SUGCT: variants seen among roughly 807,000 people sequenced by gnomAD.
SUGCT encodes the protein succinyl-CoA:glutarate CoA-transferase.
SUGCT carries 41 observed loss-of-function variants against 55.0 expected under a neutral mutation model. That is an observed-to-expected ratio of 0.74 (90% CI 0.58 to 0.97). SUGCT has a LOEUF of 0.97. SUGCT is among the 50% of genes least tolerant of loss of function. SUGCT has a pLI of 0.00. For synonymous variants in SUGCT, 187 were observed against 200.4 expected (o/e 0.93, Z 0.56); for missense variants, 568 against 547.8 (o/e 1.04, Z -0.37).
At chr7:40,889,251 G>A in the SUGCT span, among the ~76,000 whole-genome samples, 13 of 152,114 alleles carry the variant, frequency 8.5e-5, no homozygotes, top group East Asian at 1.9e-4. Context: ...TGGAAAGTAC[G>A]GGGGATCAGT....
chr7:40,668,284 G>A (rs894723709), intron 12 of SUGCT, among the ~76,000 whole-genome samples: 2 of 152,094 alleles, frequency 1.3e-5, no homozygotes, highest in African/African-American at 4.8e-5. Context: ...CAACTCCGAG[G>A]TATTTAATGG....
At chr7:41,017,287 T>C in the SUGCT span, among the ~76,000 whole-genome samples, 1 of 152,168 alleles carries the variant, frequency 6.6e-6, no homozygotes, top group African/African-American at 2.4e-5. Flanking sequence ...CACGTCTCCA[T>C]ATGAGCATGA....
chr7:40,970,756 T>A, the SUGCT span, among the ~76,000 whole-genome samples: 1 of 152,150 alleles, frequency 6.6e-6, no homozygotes, highest in East Asian at 1.9e-4. Context: ...CATGAGCATT[T>A]GCCTGGCTGG....
chr7:40,670,056 A>C (rs1189927105), intron 12 of SUGCT, among the ~76,000 whole-genome samples: 1 of 151,604 alleles, frequency 6.6e-6, no homozygotes, highest in East Asian at 1.9e-4. Context: ...AAGAAAAATA[A>C]CACCTTTCCT....
intron 12 of SUGCT, among the ~76,000 whole-genome samples, chr7:40,614,532 G>T (rs1469258151): frequency 6.6e-6 from 1 of 152,118 alleles, no homozygotes; most frequent in African/African-American, 2.4e-5. Flanking sequence ...AGTAGTCATT[G>T]CTATAGATGG....
At chr7:40,722,770 T>C (rs1786411643) in intron 12 of SUGCT, among the ~76,000 whole-genome samples, 1 of 152,248 alleles carries the variant, frequency 6.6e-6, no homozygotes, top group Non-Finnish European at 1.5e-5. Flanking sequence ...ACTTCTGTTG[T>C]CTTATCATAT....
intron 9 of SUGCT, among the ~76,000 whole-genome samples, chr7:40,340,755 C>A (rs552133247): frequency 2.6e-5 from 4 of 152,222 alleles, no homozygotes; most frequent in Non-Finnish European, 5.9e-5. Context: ...GAAATAAAAG[C>A]GTTTTTATAC....
At chr7:40,990,979 T>C in the SUGCT span, among the ~76,000 whole-genome samples, 1 of 152,234 alleles carries the variant, frequency 6.6e-6, no homozygotes, top group East Asian at 1.9e-4. Flanking sequence ...ATATCAGCAA[T>C]AAGTCATTTT....
chr7:40,854,474 T>TTCTTTCTC (rs1377565978), intron 13 of SUGCT, among the ~76,000 whole-genome samples: 38 of 135,310 alleles, frequency 2.8e-4, no homozygotes, highest in Non-Finnish European at 5.8e-4. Flanking sequence ...CTTTCTTTCT[T>TTCTTTCTC]TCTCTTTCTC....
At chr7:40,689,834 A>G (rs1429970317) in intron 12 of SUGCT, among the ~76,000 whole-genome samples, 1 of 152,126 alleles carries the variant, frequency 6.6e-6, no homozygotes, top group Non-Finnish European at 1.5e-5. Flanking sequence ...TTAGCTGTGC[A>G]TATTATTTTA....
the SUGCT span, among the ~76,000 whole-genome samples, chr7:40,943,966 G>A: frequency 3.4e-5 from 5 of 149,230 alleles, no homozygotes; most frequent in South Asian, 2.2e-4. Context: ...TTTAATGATT[G>A]CCATTCTAAC....
At chr7:40,452,805 G>A (rs953524996) in intron 10 of SUGCT, among the ~76,000 whole-genome samples, 8 of 152,154 alleles carry the variant, frequency 5.3e-5, no homozygotes, top group African/African-American at 1.9e-4. Context: ...GTTCTGAGGA[G>A]GAGAGAGTAA....
chr7:40,574,658 G>A (rs569187438), intron 12 of SUGCT, among the ~76,000 whole-genome samples: 23 of 152,238 alleles, frequency 1.5e-4, no homozygotes, highest in Middle Eastern at 3.4e-3. Flanking sequence ...TCTCGACCTC[G>A]TGACCTCAGG....
chr7:40,980,619 T>C, the SUGCT span, among the ~76,000 whole-genome samples: 1 of 149,982 alleles, frequency 6.7e-6, no homozygotes, highest in Non-Finnish European at 1.5e-5. Flanking sequence ...AGGATAGACA[T>C]TCGTACTGTA....
intron 10 of SUGCT, among the ~76,000 whole-genome samples, chr7:40,458,841 A>T (rs1477772562): frequency 6.6e-6 from 1 of 152,128 alleles, no homozygotes; most frequent in Non-Finnish European, 1.5e-5. Flanking sequence ...TATAAGACTT[A>T]TGGGCATCTT....
Position 40,183,881 on chromosome 7 carries a change from G to A in SUGCT, c.226+1853G>A, listed in dbSNP as rs1785352409. Among the ~76,000 whole-genome samples the A allele has an allele frequency of 2.6e-5, 4 of 152,058 alleles. No homozygotes were observed. In the South Asian group the frequency reaches 8.3e-4, roughly 32 times the overall value. ...GTTATTGATAAAGTTGCTTAGAAAA[G>A]CATCATTGTTGGCCGGGCATGGTGG... On this transcript the variant is annotated intron_variant, in intron 3 of 13. Coordinates refer to ENST00000335693, the MANE Select transcript of SUGCT (RefSeq NM_001193313.2).
intron 12 of SUGCT, among the ~76,000 whole-genome samples, chr7:40,655,581 C>G (rs568174507): frequency 3.9e-5 from 6 of 152,172 alleles, no homozygotes; most frequent in African/African-American, 1.4e-4. Flanking sequence ...AGCTGATGAC[C>G]CACTCTGAGC....
intron 13 of SUGCT, among the ~76,000 whole-genome samples, chr7:40,858,274 A>G (rs1308914132): frequency 6.6e-6 from 1 of 151,998 alleles, no homozygotes; most frequent in Non-Finnish European, 1.5e-5. Context: ...ATGGTGGTGC[A>G]TGCCTGTAAT....
intron 8 of SUGCT, among the ~76,000 whole-genome samples, chr7:40,285,008 T>A (rs982087929): frequency 6.6e-6 from 1 of 152,184 alleles, no homozygotes; most frequent in Non-Finnish European, 1.5e-5. Flanking sequence ...TATTTTTATA[T>A]GATATGAACT....
Sources: allele counts gnomAD v4.1 joint callset (sites outside exome capture counted in the v4.1 genomes callset), GRCh38; gene constraint gnomAD v4.1.1; transcripts MANE v1.5; gene names NCBI Gene and HGNC (gene_info 2026-07-23, HGNC 2026-07-21).